Variants in PATJ observed in about 807,000 individuals in gnomAD.
PATJ encodes PATJ crumbs cell polarity complex component.
A neutral mutation model predicts 224.9 loss-of-function variants in PATJ; 190 were observed. That is an observed-to-expected ratio of 0.84 (90% CI 0.75 to 0.95). The LOEUF (loss-of-function observed/expected upper bound fraction) is 0.95. Among genes scored for constraint, PATJ ranks in the 40% least tolerant of loss-of-function variants. The pLI is 0.00. For missense variants in PATJ, 2,121 were observed against 2,270.3 expected, an observed-to-expected ratio of 0.93 and a Z score of 1.34; for synonymous variants, 769 against 820.3, an observed-to-expected ratio of 0.94 and a Z score of 1.07.
chr1:61,991,868 AAGTT>A (rs1569760132), intron 28 of PATJ: 5 of 343,126 alleles, frequency 1.5e-5, no homozygotes, highest in Non-Finnish European at 1.6e-5. Context: ...AAAATGATGA[AAGTT>A]AGAGCCAGTG....
intron 28 of PATJ, among the ~76,000 whole-genome samples, chr1:61,999,582 C>T (rs1192765597): frequency 6.6e-6 from 1 of 151,902 alleles, no homozygotes; most frequent in African/African-American, 2.4e-5. Context: ...GCACAAGAAT[C>T]GTTTGAACCT....
At chr1:62,039,948 G>A (rs1651150095) in intron 30 of PATJ, among the ~76,000 whole-genome samples, 2 of 151,660 alleles carry the variant, frequency 1.3e-5, no homozygotes. Context: ...GGGGGGTGGG[G>A]GCCCATAGAA....
At chr1:62,074,906 G>A (rs1017090670) in intron 31 of PATJ, among the ~76,000 whole-genome samples, 2 of 152,184 alleles carry the variant, frequency 1.3e-5, no homozygotes, top group African/African-American at 4.8e-5. Flanking sequence ...GGAGGTTGCA[G>A]TGAGCTGAGA....
chr1:61,955,178 C>T (rs1284750714), intron 27 of PATJ, among the ~76,000 whole-genome samples: 2 of 151,994 alleles, frequency 1.3e-5, no homozygotes, highest in Non-Finnish European at 2.9e-5. Context: ...TTATAGAATG[C>T]TTGGAGGGGT....
At chr1:61,843,775 CAG>C (rs1661493411) in intron 17 of PATJ, among the ~76,000 whole-genome samples, 3 of 150,140 alleles carry the variant, frequency 2.0e-5, no homozygotes, top group Admixed American at 1.3e-4. Context: ...TCAAAATAAT[CAG>C]TGTTCCTATT....
At chr1:61,967,433 C>G (rs1405943689) in intron 27 of PATJ, among the ~76,000 whole-genome samples, 1 of 152,102 alleles carries the variant, frequency 6.6e-6, no homozygotes, top group African/African-American at 2.4e-5. Context: ...TCAATGTCTG[C>G]TTTTCATAAG....
intron 27 of PATJ, among the ~76,000 whole-genome samples, chr1:61,949,561 A>G (rs888325203): frequency 3.3e-5 from 5 of 152,228 alleles, no homozygotes; most frequent in Admixed American, 3.3e-4. Context: ...GTTAAAAGTT[A>G]TTATAAAAGG....
chr1:62,036,871 C>CAAAAA (rs55761910), intron 29 of PATJ, among the ~76,000 whole-genome samples: 4 of 67,340 alleles, frequency 5.9e-5, no homozygotes, highest in African/African-American at 5.6e-5. Context: ...GACTCCATCT[C>CAAAAA]AAAAAAAAAA....
At chr1:62,010,953 G>T (rs35411216) in intron 28 of PATJ, among the ~76,000 whole-genome samples, 24,311 of 152,012 alleles carry the variant, frequency 0.16, 2,186 homozygotes, top group Non-Finnish European at 0.21. Context: ...GAGACTCCTC[G>T]CCTTAAACCT....
chr1:61,954,116 G>A lies in PATJ; in HGVS notation c.3670+26287G>A, dbSNP rs575790807. 3.9e-5 allele frequency among the ~76,000 whole-genome samples: 6 copies of A among 152,186 alleles called. No individual in the cohort carries two copies. In the South Asian group the frequency reaches 1.2e-3, roughly 31 times the overall value. ...TGTAAGTTACTTTTTCAGTGTTCAT[G>A]ATCAGGATTGATTTTCTATAATCAG... On this transcript the variant is annotated intron_variant, in intron 27 of 43. Transcript: ENST00000642238.
intron 27 of PATJ, among the ~76,000 whole-genome samples, chr1:61,931,675 G>A (rs1676047956): frequency 6.6e-6 from 1 of 152,200 alleles, no homozygotes; most frequent in Non-Finnish European, 1.5e-5. Flanking sequence ...GAGGTGAGAG[G>A]ATAGCTTGAG....
At chr1:61,934,914 G>C (rs1676618183) in intron 27 of PATJ, among the ~76,000 whole-genome samples, 1 of 152,152 alleles carries the variant, frequency 6.6e-6, no homozygotes, top group East Asian at 1.9e-4. Context: ...TAGTTTCGGA[G>C]CATTCTGTGC....
chr1:61,899,767 A>G, intron 23 of PATJ, 113 bp downstream of exon 23: 2 of 656,474 alleles, frequency 3.0e-6, no homozygotes, highest in Non-Finnish European at 5.0e-6. Flanking sequence ...AATTGCGATA[A>G]TTCACCTGTA....
intron 7 of PATJ, among the ~76,000 whole-genome samples, chr1:61,778,590 C>T (rs929160170): frequency 6.6e-6 from 1 of 151,996 alleles, no homozygotes; most frequent in Non-Finnish European, 1.5e-5. Flanking sequence ...ATACATCATC[C>T]AAAACAGTAT....
At chr1:61,813,483 C>G (rs78301892) in intron 14 of PATJ, among the ~76,000 whole-genome samples, 11,469 of 150,486 alleles carry the variant, frequency 0.076, 1,346 homozygotes, top group African/African-American at 0.25. Flanking sequence ...TCAGAACCAC[C>G]TTATAAAAAC....
rs558388220 is a variant in PATJ, at chr1:62,087,581, C to T, written c.4377+2933C>T. On this transcript the variant is annotated intron_variant, in intron 33 of 43. Transcript: ENST00000642238. ...ATGTCTGCCTAGAATTTCTCTGCCTCCTGTCCCTATCATTAATGCCTTTTA... is the reference window on the plus strand; with the variant it reads ...ATGTCTGCCTAGAATTTCTCTGCCTTCTGTCCCTATCATTAATGCCTTTTA... 1.2e-4 allele frequency among the ~76,000 whole-genome samples: 19 copies of T among 152,044 alleles called. No homozygotes were observed. The Middle Eastern group carries it at 0.01, about 82-fold the overall frequency.
chr1:61,765,579 T>G (rs1646228469), intron 3 of PATJ, among the ~76,000 whole-genome samples: 1 of 152,134 alleles, frequency 6.6e-6, no homozygotes, highest in African/African-American at 2.4e-5. Flanking sequence ...GCGATGGGGT[T>G]TCACCACTGA....
chr1:61,899,034 T>G (rs2499001), intron 22 of PATJ, among the ~76,000 whole-genome samples: 34,814 of 151,930 alleles, frequency 0.23, 4,547 homozygotes, highest in African/African-American at 0.36. Context: ...TGAAAATATG[T>G]TGGTGGTAGG....
chr1:61,937,634 G>A (rs1162340629), intron 27 of PATJ, among the ~76,000 whole-genome samples: 2 of 147,872 alleles, frequency 1.4e-5, no homozygotes, highest in African/African-American at 2.5e-5. Flanking sequence ...AGATAATGAC[G>A]AGGGACTTTC....
Sources: gnomAD v4.1 joint callset for allele counts (sites outside exome capture counted in the v4.1 genomes callset) on GRCh38, gnomAD v4.1.1 for gene constraint, MANE v1.5 for transcripts, NCBI Gene and HGNC (gene_info 2026-07-23, HGNC 2026-07-21) for gene names.